Variants in DPP6 observed in about 807,000 individuals in gnomAD.
The protein encoded by DPP6 is dipeptidyl peptidase like 6.
A neutral mutation model predicts 122.6 loss-of-function variants in DPP6; 69 were observed. That is an observed-to-expected ratio of 0.56 (90% CI 0.46 to 0.69). The LOEUF (loss-of-function observed/expected upper bound fraction) is 0.69. DPP6 is among the 30% of genes least tolerant of loss of function. DPP6 has a pLI of 0.00. For missense variants in DPP6, 928 were observed against 1,116.9 expected (o/e 0.83, Z 2.41); for synonymous variants, 418 against 433.1 (o/e 0.97, Z 0.43).
intron 6 of DPP6, among the ~76,000 whole-genome samples, chr7:154,648,920 A>G (rs61620986): frequency 4.0e-4 from 1 of 2,496 alleles, no homozygotes; most frequent in African/African-American, 8.2e-4. Context: ...TCCATCTTAA[A>G]AAAAAAAAAA....
At chr7:154,596,389 C>G (rs896898209) in intron 5 of DPP6, among the ~76,000 whole-genome samples, 1 of 152,206 alleles carries the variant, frequency 6.6e-6, no homozygotes, top group Non-Finnish European at 1.5e-5. Context: ...AATTCACATT[C>G]CGCTGACGCG....
At chr7:154,729,361 T>A (rs1842224721) in intron 8 of DPP6, among the ~76,000 whole-genome samples, 1 of 152,224 alleles carries the variant, frequency 6.6e-6, no homozygotes. Flanking sequence ...TTAGTGGCTT[T>A]ATGCATCATA....
chr7:154,824,531 A>C lies in DPP6; in HGVS notation c.1666+17419A>C, dbSNP rs182029945. On this transcript the variant is annotated intron_variant, in intron 16 of 25. Coordinates refer to ENST00000377770, the MANE Select transcript of DPP6 (RefSeq NM_130797.4). ...TGACCTCAGGTGATCCACCTGCCTCAGCCTCCCAGAGTGCTGGGATTACAG... is the reference window on the plus strand; with the variant it reads ...TGACCTCAGGTGATCCACCTGCCTCCGCCTCCCAGAGTGCTGGGATTACAG... Among the ~76,000 whole-genome samples the C allele has an allele frequency of 4.8e-4, 73 of 152,324 alleles. No homozygotes were observed. In the East Asian group the frequency reaches 0.011, roughly 23 times the overall value.
intron 3 of DPP6, among the ~76,000 whole-genome samples, chr7:154,501,185 G>A (rs1019177374): frequency 1.3e-5 from 2 of 152,082 alleles, no homozygotes; most frequent in African/African-American, 2.4e-5. Context: ...GCTATTAAAG[G>A]CATTCAGTTT....
At chr7:153,894,493 C>T (rs936401943) in intron 1 of DPP6, among the ~76,000 whole-genome samples, 10 of 152,208 alleles carry the variant, frequency 6.6e-5, no homozygotes, top group Admixed American at 5.2e-4. Flanking sequence ...GAAAGGGTTC[C>T]ATTCGGGAAG....
intron 11 of DPP6, among the ~76,000 whole-genome samples, chr7:154,795,595 G>A (rs1232896385): frequency 2.0e-5 from 3 of 152,080 alleles, no homozygotes; most frequent in South Asian, 2.1e-4. Context: ...TGTCCTTGTT[G>A]CTAGGGATAG....
chr7:154,132,547 A>G (rs1201917453), intron 1 of DPP6, among the ~76,000 whole-genome samples: 1 of 151,546 alleles, frequency 6.6e-6, no homozygotes, highest in Non-Finnish European at 1.5e-5. Flanking sequence ...CTTCCTCCTC[A>G]CTTCCCATGA....
intron 3 of DPP6, among the ~76,000 whole-genome samples, chr7:154,507,322 A>G (rs1405900113): frequency 6.6e-6 from 1 of 152,066 alleles, no homozygotes; most frequent in Non-Finnish European, 1.5e-5. Flanking sequence ...CAGAATGTGC[A>G]TGTTTGTTAC....
intron 1 of DPP6, among the ~76,000 whole-genome samples, chr7:153,948,623 T>A (rs200471534): frequency 6.7e-6 from 1 of 148,884 alleles, no homozygotes; most frequent in African/African-American, 2.5e-5. Flanking sequence ...TTTTTTATTT[T>A]TATTTTTTTT....
At chr7:154,584,923 T>G (rs1832338746) in intron 5 of DPP6, among the ~76,000 whole-genome samples, 1 of 152,246 alleles carries the variant, frequency 6.6e-6, no homozygotes, top group African/African-American at 2.4e-5. Flanking sequence ...ATTTAACTTT[T>G]TCTTTTTAAA....
chr7:153,870,738 G>A, the DPP6 span, among the ~76,000 whole-genome samples: 1 of 152,170 alleles, frequency 6.6e-6, no homozygotes, highest in Non-Finnish European at 1.5e-5. Flanking sequence ...GATTTTTAGA[G>A]TTTCTGGTTT....
intron 1 of DPP6, among the ~76,000 whole-genome samples, chr7:154,108,673 G>A (rs1806341072): frequency 6.6e-6 from 1 of 152,220 alleles, no homozygotes; most frequent in South Asian, 2.1e-4. Flanking sequence ...ACACCAGGAG[G>A]AAACAGCCAG....
intron 1 of DPP6, among the ~76,000 whole-genome samples, chr7:154,399,210 G>A (rs1419015913): frequency 6.6e-6 from 1 of 152,112 alleles, no homozygotes; most frequent in Non-Finnish European, 1.5e-5. Context: ...AAGAAAGAGG[G>A]AAGGTTCCCC....
At chr7:154,756,528 C>G (rs1843680422) in intron 8 of DPP6, among the ~76,000 whole-genome samples, 1 of 152,198 alleles carries the variant, frequency 6.6e-6, no homozygotes, top group Admixed American at 6.5e-5. Context: ...CTGAGGCACC[C>G]AGGGGCTGGG....
chr7:154,876,094 C>T lies in DPP6; in HGVS notation c.2072C>T (p.Ala691Val). The T allele has an allele frequency of 1.3e-6, 2 of 1,588,050 alleles. No individual in the cohort carries two copies. The highest frequency in any genetic ancestry group is 1.7e-6 in the Non-Finnish European group (2 of 1,166,240). Residue 691 changes from alanine to valine, a missense_variant, in exon 20 of 26, where the codon GCC becomes GTC. Coordinates refer to ENST00000377770, the MANE Select transcript of DPP6 (RefSeq NM_130797.4). ...GLLEEKDQME[A>V]VRTMLKEQYI... is the part of the protein sequence containing the mutation. ...CTGGAGGAGAAGGACCAGATGGAGG[C>T]CGTGCGGTGAGCACCCGCCCAGGAA... is the stretch of plus-strand genomic sequence containing the variant.
intron 1 of DPP6, among the ~76,000 whole-genome samples, chr7:153,963,342 C>T (rs62484206): frequency 0.59 from 87,830 of 148,336 alleles, 26,623 homozygotes; most frequent in East Asian, 0.93. Context: ...TCTCCCTCGT[C>T]TTGCTCCTTC....
chr7:154,243,049 C>T (rs1224414627), intron 1 of DPP6, among the ~76,000 whole-genome samples: 2 of 152,076 alleles, frequency 1.3e-5, no homozygotes, highest in Non-Finnish European at 2.9e-5. Flanking sequence ...ACACCTTAGC[C>T]CATAACTAGA....
the DPP6 span, among the ~76,000 whole-genome samples, chr7:153,807,329 G>GC: frequency 6.6e-6 from 1 of 151,728 alleles, no homozygotes; most frequent in Non-Finnish European, 1.5e-5. Context: ...CTTGAACCAG[G>GC]GAGGTGGAGG....
At position 154,119,478 on chromosome 7, in the gene DPP6, C is replaced by T. The variant is rs552831816; in HGVS notation, c.243+66415C>T. 5.3e-5 allele frequency among the ~76,000 whole-genome samples: 8 copies of T among 151,974 alleles called. No individual in the cohort carries two copies. In the South Asian group the frequency reaches 1.7e-3, roughly 32 times the overall value. On this transcript the variant is annotated intron_variant, in intron 1 of 25. Transcript: ENST00000377770. ...GCAAGAATTGTGCTGAGTACAACGT[C>T]TGTGTACCTTGTTCTGGTGGCTATC... is the stretch of plus-strand genomic sequence containing the variant.
Sources: allele counts gnomAD v4.1 joint callset (sites outside exome capture counted in the v4.1 genomes callset), GRCh38; gene constraint gnomAD v4.1.1; transcripts MANE v1.5; gene names NCBI Gene and HGNC (gene_info 2026-07-23, HGNC 2026-07-21).